MGAT4A: variants seen among roughly 807,000 people sequenced by gnomAD.
MGAT4A encodes alpha-1,3-mannosyl-glycoprotein 4-beta-N-acetylglucosaminyltransferase A.
A neutral mutation model predicts 74.1 loss-of-function variants in MGAT4A; 33 were observed. That is an observed-to-expected ratio of 0.45 (90% CI 0.34 to 0.60). The LOEUF (loss-of-function observed/expected upper bound fraction) is 0.60. Among genes scored for constraint, MGAT4A ranks in the 20% least tolerant of loss-of-function variants. The probability of loss-of-function intolerance (pLI) is 0.02; values close to 1 mark genes in which losing one functional copy is unlikely to be tolerated. For missense variants in MGAT4A, 479 were observed against 628.3 expected (o/e 0.76, Z 2.54); for synonymous variants, 198 against 210.4 (o/e 0.94, Z 0.51).
At position 98,625,780 on chromosome 2, in the gene MGAT4A, A is replaced by T. The variant is rs1300201693; in HGVS notation, c.1524T>A (p.Ile508=). The change falls in exon 15 of 16, where the codon ATT becomes ATA. Residue 508 remains isoleucine (I), a synonymous_variant. Coordinates refer to ENST00000393487, the MANE Select transcript of MGAT4A (RefSeq NM_012214.3). ...EGMVDPSLNP[I]SAFRLSVIQN... is the part of the protein sequence containing the mutation. Reference sequence around the variant, plus strand: ...GAATAACTGAAAGTCGAAAGGCTGAAATGGGATTGAGACTTGGATCCACCA... The same window carrying T: ...GAATAACTGAAAGTCGAAAGGCTGATATGGGATTGAGACTTGGATCCACCA... 2.7e-5 allele frequency: 44 copies of T among 1,612,728 alleles called. No individual in the cohort carries two copies. Among genetic ancestry groups the T allele is most frequent in the Non-Finnish European group, 3.7e-5 (44 of 1,179,012 alleles).
intron 1 of MGAT4A, chr2:98,727,007 T>C (rs1321003127): frequency 6.6e-6 from 1 of 152,226 alleles, no homozygotes; most frequent in Non-Finnish European, 1.5e-5. Context: ...ACCTGGACCC[T>C]TGACCCAGCT....
intron 2 of MGAT4A, among the ~76,000 whole-genome samples, chr2:98,686,550 GTT>G (rs200645695): frequency 6.9e-6 from 1 of 145,984 alleles, no homozygotes. Context: ...GTTTTTTGGT[GTT>G]TTTTTTTTTC....
In MGAT4A at chr2:98,623,460, TCA is replaced by T. The variant is rs976970962; in HGVS notation, c.*2104_*2105del. 2.0e-4 allele frequency: 196 copies of T among 985,438 alleles called. No homozygotes were observed. The highest frequency in any genetic ancestry group is 2.2e-4 in the Non-Finnish European group (184 of 829,932). 61.0% of individuals were successfully genotyped at this position (985,438 alleles called of 1,614,324 possible). ...CTGCAGAGATTTTTACTTCTGGTAC[TCA>T]GTTATCTTTGCAGTAATTTAGTATA... is the stretch of plus-strand genomic sequence containing the variant. On this transcript the variant is annotated 3_prime_UTR_variant, in exon 16 of 16. Coordinates refer to ENST00000393487, the MANE Select transcript of MGAT4A (RefSeq NM_012214.3).
chr2:98,674,024 A>C (rs1187274994), intron 4 of MGAT4A, among the ~76,000 whole-genome samples: 2 of 152,214 alleles, frequency 1.3e-5, no homozygotes, highest in Non-Finnish European at 2.9e-5. Context: ...ATGCTATTTT[A>C]AGAGTTTCCA....
intron 2 of MGAT4A, among the ~76,000 whole-genome samples, chr2:98,714,785 T>C (rs112581538): frequency 2.2e-4 from 33 of 152,262 alleles, no homozygotes; most frequent in African/African-American, 7.7e-4. Flanking sequence ...ACATTGTGAA[T>C]GTACTAAATT....
rs541915740 is a variant in MGAT4A at position 98,622,996 on chromosome 2, C to A, written c.*2570G>T. 1.0e-6 allele frequency: 1 copy of A among 984,408 alleles called. No homozygotes were observed. Among genetic ancestry groups the A allele is most frequent in the African/African-American group, 1.7e-5 (1 of 57,238 alleles). 61.0% of individuals were successfully genotyped at this position (984,408 alleles called of 1,614,324 possible). A position where few individuals can be genotyped will look rare whatever the true frequency, so the allele number is the denominator to read the frequency against. On this transcript the variant is annotated 3_prime_UTR_variant, in exon 16 of 16. Coordinates refer to ENST00000393487, the MANE Select transcript of MGAT4A (RefSeq NM_012214.3). Reference sequence around the variant, plus strand: ...GAGCACCACTGCACTCCAGCCTGGGCAACAAAGCGAGACCCTGTCTCAAAA... The same window carrying A: ...GAGCACCACTGCACTCCAGCCTGGGAAACAAAGCGAGACCCTGTCTCAAAA...
intron 14 of MGAT4A, among the ~76,000 whole-genome samples, chr2:98,632,416 G>A (rs1292909566): frequency 6.6e-6 from 1 of 152,178 alleles, no homozygotes; most frequent in East Asian, 1.9e-4. Context: ...TTGTTTGCAC[G>A]CCAAGAGGGC....
chr2:98,719,996 C>T (rs1575284138), intron 2 of MGAT4A, among the ~76,000 whole-genome samples: 1 of 151,890 alleles, frequency 6.6e-6, no homozygotes, highest in Admixed American at 6.6e-5. Flanking sequence ...AATAAACTCA[C>T]AGAACTAAAA....
intron 2 of MGAT4A, among the ~76,000 whole-genome samples, chr2:98,679,052 C>T (rs1317785925): frequency 2.6e-5 from 4 of 152,110 alleles, no homozygotes; most frequent in Admixed American, 1.3e-4. Flanking sequence ...GTGGCTCACA[C>T]GTGTAATCCC....
At chr2:98,690,050 A>G (rs1702174605) in intron 2 of MGAT4A, among the ~76,000 whole-genome samples, 1 of 152,068 alleles carries the variant, frequency 6.6e-6, no homozygotes, top group South Asian at 2.1e-4. Flanking sequence ...CCCTATGCAA[A>G]GGACTCAGTA....
In MGAT4A at chr2:98,663,125, A is replaced by G. The variant is rs755001000; in HGVS notation, c.458T>C (p.Ile153Thr). Residue 153 changes from isoleucine to threonine, a missense_variant, in exon 5 of 16, where the codon ATA (isoleucine) becomes ACA (threonine). By Grantham distance (89) the Ile-to-Thr change is moderately conservative. Transcript: ENST00000393487. Reference protein sequence around the residue: ...TVKREVKSYLIETLHSLIDNL... With the variant: ...TVKREVKSYLTETLHSLIDNL... ...ATCAATAAGGGAATGAAGAGTTTCT[A>G]TGAGGTAAGATTTAACTTCTCTCTT... 18 of 1,604,604 alleles carry G rather than the reference A, an allele frequency of 1.1e-5. No individual in the cohort carries two copies. The East Asian group carries it at 1.8e-4, about 16-fold the overall frequency.
chr2:98,630,556 G>A (rs1379994419), intron 14 of MGAT4A, among the ~76,000 whole-genome samples: 1 of 151,958 alleles, frequency 6.6e-6, no homozygotes, highest in East Asian at 1.9e-4. Context: ...GCTGGAGGGT[G>A]GATACAGGTA....
Position 98,639,821 on chromosome 2 carries a change from C to T in MGAT4A, c.1309G>A (p.Val437Ile). The T allele has an allele frequency of 6.2e-7, 1 of 1,610,902 alleles. No individual in the cohort carries two copies. The highest frequency in any genetic ancestry group is 2.2e-5 in the East Asian group (1 of 44,846). ...ATAATCACCAACCTTTCTACATTGA[C>T]TGGTTTATCAAATTTAAACAAGATG... Reference protein sequence around the residue: ...DYILFKFDKPVNVESYLFHSG... With the variant: ...DYILFKFDKPINVESYLFHSG... Residue 437 changes from valine (V) to isoleucine (I), a missense_variant, in exon 12 of 16, where the codon GTC becomes ATC. Val to Ile is a conservative substitution (Grantham distance 29). Coordinates refer to ENST00000393487, the MANE Select transcript of MGAT4A (RefSeq NM_012214.3).
intron 8 of MGAT4A, among the ~76,000 whole-genome samples, chr2:98,652,498 A>AT (rs1559159905): frequency 6.6e-6 from 1 of 151,804 alleles, no homozygotes; most frequent in African/African-American, 2.4e-5. Context: ...CGCCCGGCTA[A>AT]TTTTTTGTAT....
chr2:98,695,060 A>C (rs1702250620), intron 2 of MGAT4A: 1 of 117,456 alleles, frequency 8.5e-6, no homozygotes, highest in Non-Finnish European at 1.7e-5. Context: ...TTTTTGAGAC[A>C]GAGTCTTGCT....
chr2:98,653,299 G>C (rs1362162923), intron 8 of MGAT4A, among the ~76,000 whole-genome samples: 1 of 108,866 alleles, frequency 9.2e-6, no homozygotes, highest in East Asian at 2.6e-4. Context: ...TAGCAGAAGG[G>C]AGAAAAAAAA....
intron 2 of MGAT4A, among the ~76,000 whole-genome samples, chr2:98,721,656 C>G (rs566249182): frequency 6.6e-6 from 1 of 151,946 alleles, no homozygotes; most frequent in Non-Finnish European, 1.5e-5. Context: ...AAGGAACAGA[C>G]CTACATAGGA....
chr2:98,683,698 A>G lies in MGAT4A; in HGVS notation c.95-5227T>C, dbSNP rs1314413571. On this transcript the variant is annotated intron_variant, in intron 2 of 15. Transcript: ENST00000393487. Reference sequence around the variant, plus strand: ...ACATGCATTTTCTTGTTATGTTTTCAAATCACCCTCCCAGAGGCCAGCTTC... The same window carrying G: ...ACATGCATTTTCTTGTTATGTTTTCGAATCACCCTCCCAGAGGCCAGCTTC... Among the ~76,000 whole-genome samples the G allele has an allele frequency of 2.0e-5, 3 of 152,278 alleles. No homozygotes were observed. In the East Asian group the frequency reaches 5.8e-4, roughly 29 times the overall value.
intron 14 of MGAT4A, among the ~76,000 whole-genome samples, chr2:98,629,786 G>A (rs1345309766): frequency 1.3e-5 from 2 of 152,212 alleles, no homozygotes; most frequent in Non-Finnish European, 2.9e-5. Flanking sequence ...GCTCACACCT[G>A]TAATTCTGGC....
Sources: gnomAD v4.1 joint callset for allele counts (sites outside exome capture counted in the v4.1 genomes callset) on GRCh38, gnomAD v4.1.1 for gene constraint, MANE v1.5 for transcripts, NCBI Gene and HGNC (gene_info 2026-07-23, HGNC 2026-07-21) for gene names.